RBM26: variants seen among roughly 807,000 people sequenced by gnomAD.
RBM26 encodes the protein RNA binding motif protein 26.
RBM26 carries 30 observed loss-of-function variants against 123.6 expected under a neutral mutation model. The ratio of observed to expected loss-of-function variants is 0.24; its 90% CI spans 0.18 to 0.33. RBM26 has a LOEUF of 0.33. Ranked by LOEUF, RBM26 falls within the 10% of genes least tolerant of loss-of-function variation. The pLI is 1.00. For synonymous variants in RBM26, 400 were observed against 404.4 expected (o/e 0.99, Z 0.13); for missense variants, 947 against 1,203.6 (o/e 0.79, Z 3.15).
At chr13:79,329,977 G>A (rs1031717828) in intron 20 of RBM26, among the ~76,000 whole-genome samples, 3 of 152,156 alleles carry the variant, frequency 2.0e-5, no homozygotes, top group Non-Finnish European at 4.4e-5. Context: ...GTTTACAGAT[G>A]AAATGATACA....
downstream of RBM26, among the ~76,000 whole-genome samples, chr13:79,316,417 A>G (rs1456680306): frequency 5.1e-3 from 1 of 196 alleles, no homozygotes; most frequent in East Asian, 0.25. Context: ...AACCCTTATA[A>G]GCCAACAGTT....
chr13:79,393,908 T>C (rs2078322248), intron 1 of RBM26, among the ~76,000 whole-genome samples: 1 of 152,188 alleles, frequency 6.6e-6, no homozygotes, highest in Admixed American at 6.5e-5. Context: ...ATTCTTTTTG[T>C]GTGTGTGTGT....
At chr13:79,339,992 C>T (rs2071089777) in intron 18 of RBM26, among the ~76,000 whole-genome samples, 1 of 151,880 alleles carries the variant, frequency 6.6e-6, no homozygotes, top group African/African-American at 2.4e-5. Context: ...AATAAAAAAG[C>T]AAAACACAGA....
chr13:79,368,160 G>A (rs966107359), intron 6 of RBM26, among the ~76,000 whole-genome samples: 14 of 152,096 alleles, frequency 9.2e-5, no homozygotes, highest in East Asian at 3.9e-4. Context: ...GAGTAGCTGG[G>A]ACTACAGGCG....
At chr13:79,369,806 A>C (rs972964492) in intron 5 of RBM26, among the ~76,000 whole-genome samples, 1 of 152,208 alleles carries the variant, frequency 6.6e-6, no homozygotes, top group African/African-American at 2.4e-5. Flanking sequence ...AGTATAACTG[A>C]TATATAATAA....
chr13:79,370,052 A>G (rs1594418744), intron 5 of RBM26, among the ~76,000 whole-genome samples: 1 of 152,112 alleles, frequency 6.6e-6, no homozygotes, highest in Non-Finnish European at 1.5e-5. Context: ...GCTCAGGCCT[A>G]TAATCCCAGC....
exon 5 of RBM26, chr13:79,312,823 A>C (rs1434210527): frequency 6.6e-6 from 1 of 151,962 alleles, no homozygotes; most frequent in Non-Finnish European, 1.5e-5. Context: ...ATAAATCACA[A>C]GGAATCAGAT....
At chr13:79,361,062 C>T (rs1447277550) in intron 9 of RBM26, among the ~76,000 whole-genome samples, 1 of 152,148 alleles carries the variant, frequency 6.6e-6, no homozygotes, top group Non-Finnish European at 1.5e-5. Context: ...TCTAAATTTT[C>T]AACTTCTTTG....
intron 14 of RBM26, among the ~76,000 whole-genome samples, chr13:79,347,293 C>T (rs974451755): frequency 2.0e-5 from 3 of 152,168 alleles, no homozygotes; most frequent in Admixed American, 2.0e-4. Context: ...TGTACCCCTA[C>T]TAAAGAAAAA....
In RBM26 at chr13:79,334,349, C is replaced by G. The variant is rs200334324; in HGVS notation, c.2815G>C (p.Glu939Gln). ...AAATTATTTTTAAAACTTACTGCTTCAGCTTCTGCTCTTGTCTTGAATGTA... is the reference window on the plus strand; with the variant it reads ...AAATTATTTTTAAAACTTACTGCTTGAGCTTCTGCTCTTGTCTTGAATGTA... ...VITFKTRAEAEAAAVHGARFK... is the reference protein window; with the variant it reads ...VITFKTRAEAQAAAVHGARFK... Residue 939 changes from glutamate (E) to glutamine (Q), a missense_variant, in exon 20 of 22, where the codon GAA (glutamate) becomes CAA (glutamine). By Grantham distance (29) the Glu-to-Gln change is conservative. This residue lies in a region of RBM26 where 164 missense variants were observed against 215.3 expected (regional missense o/e 0.76). Coordinates refer to ENST00000438737, the MANE Select transcript of RBM26 (RefSeq NM_001366735.2). 78 of 1,518,100 alleles carry G rather than the reference C, an allele frequency of 5.1e-5. No individual in the cohort carries two copies. Among genetic ancestry groups the G allele is most frequent in the Non-Finnish European group, 6.9e-5 (77 of 1,121,518 alleles). 94.0% of individuals were successfully genotyped at this position (1,518,100 alleles called of 1,614,324 possible). A position where few individuals can be genotyped will look rare whatever the true frequency, so the allele number is the denominator to read the frequency against.
intron 13 of RBM26, 46 bp from the exon 14 acceptor site, chr13:79,353,270 A>G: frequency 8.8e-7 from 1 of 1,135,400 alleles, no homozygotes; most frequent in Non-Finnish European, 1.3e-6. Flanking sequence ...CCAAACATAT[A>G]AAAGTCTGTT....
At chr13:79,328,152 C>T (rs2068720401) in intron 20 of RBM26, among the ~76,000 whole-genome samples, 1 of 151,912 alleles carries the variant, frequency 6.6e-6, no homozygotes, top group African/African-American at 2.4e-5. Context: ...AAGTTTACAT[C>T]GAAAATAAAC....
At chr13:79,350,776 G>A (rs2073103098) in intron 14 of RBM26, among the ~76,000 whole-genome samples, 1 of 151,932 alleles carries the variant, frequency 6.6e-6, no homozygotes, top group Admixed American at 6.6e-5. Flanking sequence ...TGATGATGGG[G>A]AACATTCTTC....
chr13:79,392,791 A>AC (rs1451459595), intron 1 of RBM26, among the ~76,000 whole-genome samples: 1 of 109,658 alleles, frequency 9.1e-6, no homozygotes, highest in African/African-American at 3.7e-5. Context: ...GCTTGAGAAG[A>AC]CCAAAAAAAA....
chr13:79,386,220 C>A (rs2077465316), intron 1 of RBM26, among the ~76,000 whole-genome samples: 1 of 151,888 alleles, frequency 6.6e-6, no homozygotes, highest in Non-Finnish European at 1.5e-5. Flanking sequence ...CCGATTCTTA[C>A]ATCTGTTTTT....
chr13:79,333,541 A>G (rs1418485402), intron 20 of RBM26, among the ~76,000 whole-genome samples: 2 of 152,208 alleles, frequency 1.3e-5, no homozygotes, highest in African/African-American at 4.8e-5. Context: ...TCTGAAAAGC[A>G]TCTCACTCTT....
At chr13:79,344,162 T>A in intron 16 of RBM26, 86 bp downstream of exon 16, 1 of 858,782 alleles carries the variant, frequency 1.2e-6, no homozygotes, top group East Asian at 2.4e-5. Context: ...TTATAGTAAA[T>A]CTTTTTATGA....
At chr13:79,361,936 A>C (rs1041109189) in intron 9 of RBM26, among the ~76,000 whole-genome samples, 2 of 152,068 alleles carry the variant, frequency 1.3e-5, no homozygotes, top group Non-Finnish European at 2.9e-5. Flanking sequence ...AAGGTTTTTA[A>C]AATTATGTTA....
chr13:79,330,278 A>T (rs2069092976), intron 20 of RBM26, among the ~76,000 whole-genome samples: 1 of 152,216 alleles, frequency 6.6e-6, no homozygotes, highest in South Asian at 2.1e-4. Flanking sequence ...AGAAAGCACA[A>T]AGGTTAAAGA....
Sources: allele counts gnomAD v4.1 joint callset (sites outside exome capture counted in the v4.1 genomes callset), GRCh38; gene constraint gnomAD v4.1.1; regional missense constraint gnomAD v4.1.1; transcripts MANE v1.5; gene names NCBI Gene and HGNC (gene_info 2026-07-23, HGNC 2026-07-21).